The following SLC8A1 variants were observed in gnomAD, a reference collection of about 807,000 sequenced individuals.
SLC8A1 encodes sodium/calcium exchanger 1.
In SLC8A1, 18 loss-of-function variants were observed where a neutral mutation model predicts 68.3. The observed-to-expected ratio is 0.26, with a 90% CI of 0.18 to 0.39. The LOEUF is 0.39. Among genes scored for constraint, SLC8A1 ranks in the 10% least tolerant of loss-of-function variants. SLC8A1 has a pLI of 1.00. For missense variants in SLC8A1, 985 were observed against 1,156.7 expected (o/e 0.85, Z 2.15); for synonymous variants, 475 against 415.5 (o/e 1.14, Z -1.74).
intron 2 of SLC8A1, among the ~76,000 whole-genome samples, chr2:40,395,949 C>A (rs1177116528): frequency 1.3e-5 from 2 of 152,050 alleles, no homozygotes; most frequent in Non-Finnish European, 2.9e-5. Flanking sequence ...TATAACTGTT[C>A]ATACTGTTCT....
chr2:40,323,426 A>C (rs1365591442), intron 2 of SLC8A1, among the ~76,000 whole-genome samples: 1 of 152,206 alleles, frequency 6.6e-6, no homozygotes, highest in Non-Finnish European at 1.5e-5. Context: ...AAAAAAGGTC[A>C]ATTTCCTTAG....
chr2:40,400,866 C>T (rs1403794473), intron 2 of SLC8A1, among the ~76,000 whole-genome samples: 4 of 152,076 alleles, frequency 2.6e-5, no homozygotes, highest in Non-Finnish European at 4.4e-5. Context: ...GCCAGTTCTC[C>T]GTGTAATAAG....
intron 1 of SLC8A1, among the ~76,000 whole-genome samples, chr2:40,437,666 A>C (rs1039554067): frequency 1.3e-5 from 2 of 152,196 alleles, no homozygotes; most frequent in African/African-American, 4.8e-5. Context: ...ACAATAATTC[A>C]GTATTTTTTA....
chr2:40,254,130 A>T (rs2063472712), intron 2 of SLC8A1, among the ~76,000 whole-genome samples: 1 of 152,164 alleles, frequency 6.6e-6, no homozygotes, highest in Non-Finnish European at 1.5e-5. Flanking sequence ...AAAGCATCAC[A>T]CATACTCTAC....
chr2:40,228,578 T>C (rs1400753629), intron 2 of SLC8A1, among the ~76,000 whole-genome samples: 2 of 152,188 alleles, frequency 1.3e-5, no homozygotes, highest in Non-Finnish European at 2.9e-5. Flanking sequence ...TTGGCATCAC[T>C]GAACTTCATT....
chr2:40,174,592 A>C (rs970345852), intron 4 of SLC8A1, 114 bp downstream of exon 6: 4 of 985,196 alleles, frequency 4.1e-6, no homozygotes, highest in African/African-American at 1.6e-5. Flanking sequence ...AACCAGCAAG[A>C]GCACACCATG....
intron 2 of SLC8A1, among the ~76,000 whole-genome samples, chr2:40,308,514 T>C (rs1158460755): frequency 1.3e-5 from 2 of 152,088 alleles, no homozygotes; most frequent in East Asian, 1.9e-4. Context: ...AGGCAGTAAA[T>C]GACAGGAAGA....
intron 2 of SLC8A1, among the ~76,000 whole-genome samples, chr2:40,359,802 A>T (rs907797770): frequency 7.2e-5 from 11 of 152,122 alleles, no homozygotes; most frequent in Admixed American, 2.0e-4. Context: ...ACAAAGTAAG[A>T]AGCAAGTGTG....
intron 5 of SLC8A1, 46 bp downstream of exon 8, chr2:40,164,789 ACCCTATGAACAGTTTCTGT>A (rs1299134166): frequency 1.8e-5 from 28 of 1,587,962 alleles, no homozygotes; most frequent in Non-Finnish European, 2.3e-5. Flanking sequence ...GCTTTGGCCA[ACCCTATGAACAGTTTCTGT>A]CCCAAGGTGA....
At chr2:40,392,912 T>G (rs1685777178) in intron 2 of SLC8A1, among the ~76,000 whole-genome samples, 1 of 152,102 alleles carries the variant, frequency 6.6e-6, no homozygotes, top group Admixed American at 6.6e-5. Flanking sequence ...AAATACTTAC[T>G]GTTTGTGCCT....
At chr2:40,211,439 G>A (rs1045562252) in intron 2 of SLC8A1, among the ~76,000 whole-genome samples, 19 of 152,162 alleles carry the variant, frequency 1.2e-4, no homozygotes, top group Non-Finnish European at 2.5e-4. Context: ...AGGTATAGAT[G>A]GGAAAGTCAT....
intron 2 of SLC8A1, among the ~76,000 whole-genome samples, chr2:40,391,671 C>T (rs1685309948): frequency 6.6e-6 from 1 of 152,030 alleles, no homozygotes; most frequent in Admixed American, 6.6e-5. Flanking sequence ...ATTCTGCTTC[C>T]ATATCCACAA....
chr2:40,100,804 C>G (rs1426234102), exon 8 of SLC8A1: 40 of 152,080 alleles, frequency 2.6e-4, no homozygotes, highest in Admixed American at 2.6e-3. Flanking sequence ...TTTTAAAGCA[C>G]ACGGAACACA....
At chr2:40,330,309 C>T (rs989148447) in intron 2 of SLC8A1, among the ~76,000 whole-genome samples, 1 of 152,116 alleles carries the variant, frequency 6.6e-6, no homozygotes, top group African/African-American at 2.4e-5. Flanking sequence ...GGTCATGTGT[C>T]ATCAAGGCCA....
chr2:40,177,672 A>G (rs1017005647), intron 3 of SLC8A1: 1 of 839,796 alleles, frequency 1.2e-6, no homozygotes, highest in Non-Finnish European at 2.0e-6. Context: ...GGAAGAGGAG[A>G]GAGTTAAGTG....
intron 2 of SLC8A1, among the ~76,000 whole-genome samples, chr2:40,285,511 C>A (rs2068165195): frequency 6.6e-6 from 1 of 152,094 alleles, no homozygotes; most frequent in South Asian, 2.1e-4. Context: ...TAAGCTTTAT[C>A]TATGTCACCC....
At chr2:40,469,029 G>A (rs1703856997) in intron 1 of SLC8A1, among the ~76,000 whole-genome samples, 1 of 152,010 alleles carries the variant, frequency 6.6e-6, no homozygotes. Flanking sequence ...TTTCATAAGT[G>A]CAAAAATATT....
intron 2 of SLC8A1, among the ~76,000 whole-genome samples, chr2:40,253,372 GAAAAT>G (rs1178370861): frequency 1.3e-5 from 2 of 151,104 alleles, no homozygotes; most frequent in African/African-American, 4.9e-5. Context: ...TCCAGCCATA[GAAAAT>G]AAAATCCTGT....
chr2:40,328,189 T>C (rs1321911907), intron 2 of SLC8A1, among the ~76,000 whole-genome samples: 1 of 152,072 alleles, frequency 6.6e-6, no homozygotes, highest in Non-Finnish European at 1.5e-5. Flanking sequence ...GAAAAGAAAT[T>C]AACCATTCCA....
Sources: gnomAD v4.1 joint callset for allele counts (sites outside exome capture counted in the v4.1 genomes callset) on GRCh38, gnomAD v4.1.1 for gene constraint, MANE v1.5 for transcripts, NCBI Gene and HGNC (gene_info 2026-07-23, HGNC 2026-07-21) for gene names.